CAND2: variants seen among roughly 807,000 people sequenced by gnomAD.
CAND2 encodes cullin-associated NEDD8-dissociated protein 2.
In CAND2, 62 loss-of-function variants were observed where a neutral mutation model predicts 98.9. The observed-to-expected ratio is 0.63, with a 90% CI of 0.51 to 0.77. CAND2 has a LOEUF of 0.77. Ranked by LOEUF, CAND2 falls within the 30% of genes least tolerant of loss-of-function variation. CAND2 has a pLI of 0.00. For synonymous variants in CAND2, 770 were observed against 731.9 expected, an observed-to-expected ratio of 1.05 and a Z score of -0.84; for missense variants, 1,501 against 1,655.2, an observed-to-expected ratio of 0.91 and a Z score of 1.62.
chr3:12,815,904 A>C lies in CAND2; in HGVS notation c.1337A>C (p.Lys446Thr). 6.2e-7 allele frequency: 1 copy of C among 1,613,754 alleles called. No individual in the cohort carries two copies. The highest frequency in any genetic ancestry group is 8.5e-7 in the Non-Finnish European group (1 of 1,179,984). ...GTCAAGGCCCTGCAGCGGCAGCTTA[A>C]AGATCGGAGCGTCAGAGCCCGCCAG... ...LVVKALQRQL[K>T]DRSVRARQGC... The change falls in exon 9 of 15, where the codon AAA (lysine) becomes ACA (threonine). Residue 446 changes from lysine (K) to threonine (T), a missense_variant. Around this residue, in one of 3 missense-constraint regions of CAND2, gnomAD observed 1,427 missense variants for 1,545.3 expected, o/e 0.92. Coordinates refer to ENST00000456430, the MANE Select transcript of CAND2 (RefSeq NM_001162499.2). The surrounding 1 kb of genome is among the most constrained non-coding windows in gnomAD (Gnocchi z 5.7).
intron 13 of CAND2, among the ~76,000 whole-genome samples, chr3:12,830,995 A>T (rs1438681063): frequency 6.7e-6 from 1 of 149,870 alleles, no homozygotes; most frequent in Non-Finnish European, 1.5e-5. Flanking sequence ...CTAGGCCTGC[A>T]GCCATGTTTA....
rs538723882 is a variant in CAND2, at chr3:12,800,737, G to GT, written c.69-2742dup. 8.2e-3 allele frequency among the ~76,000 whole-genome samples: 1,239 copies of GT among 151,104 alleles called. 14 individuals carry two copies. Among genetic ancestry groups the GT allele is most frequent in the African/African-American group, 0.027 (1,101 of 41,200 alleles). ...GTGTTTTGTTTTTGTTTTTGTTTTT[G>GT]TTTTTTTTTGAGTCTCACTCTGTCA... On this transcript the variant is annotated intron_variant, in intron 1 of 14. Coordinates refer to ENST00000456430, the MANE Select transcript of CAND2 (RefSeq NM_001162499.2).
At position 12,817,313 on chromosome 3, in the gene CAND2, C is replaced by T. The variant is rs1379794738; in HGVS notation, c.2381C>T (p.Pro794Leu). ...PVYEQAVDGG[P>L]GLHKQVFHSL... Reference sequence around the variant, plus strand: ...TATGAGCAGGCTGTGGATGGTGGGCCTGGCCTGCACAAGCAGGTGTTCCAC... The same window carrying T: ...TATGAGCAGGCTGTGGATGGTGGGCTTGGCCTGCACAAGCAGGTGTTCCAC... Residue 794 changes from proline to leucine, a missense_variant, in exon 10 of 15, where the codon CCT (proline) becomes CTT (leucine). Pro to Leu is a moderately conservative substitution (Grantham distance 98). Coordinates refer to ENST00000456430, the MANE Select transcript of CAND2 (RefSeq NM_001162499.2). 1 of 1,613,844 alleles carries T rather than the reference C, an allele frequency of 6.2e-7. No individual in the cohort carries two copies. Among genetic ancestry groups the T allele is most frequent in the African/African-American group, 1.3e-5 (1 of 75,064 alleles).
At chr3:12,810,999 GTATCCT>G (rs1254271051) in intron 5 of CAND2, among the ~76,000 whole-genome samples, 1 of 152,186 alleles carries the variant, frequency 6.6e-6, no homozygotes, top group African/African-American at 2.4e-5. Context: ...AGGTTTGAAT[GTATCCT>G]CAGACACCTT....
Position 12,831,497 on chromosome 3 carries a change from C to G in CAND2, c.3408C>G (p.Ala1136=). ...MLTFIMVARL[A]TLCPAPVLQR... Reference sequence around the variant, plus strand: ...CCTTCATCATGGTTGCCCGGCTGGCCACCCTGTGTCCTGCACCTGTCCTGC... The same window carrying G: ...CCTTCATCATGGTTGCCCGGCTGGCGACCCTGTGTCCTGCACCTGTCCTGC... The change falls in exon 14 of 15, where the codon GCC becomes GCG. Residue 1136 remains alanine, a synonymous_variant. Coordinates refer to ENST00000456430, the MANE Select transcript of CAND2 (RefSeq NM_001162499.2). The G allele has an allele frequency of 6.2e-7, 1 of 1,614,084 alleles. No individual in the cohort carries two copies. The highest frequency in any genetic ancestry group is 8.5e-7 in the Non-Finnish European group (1 of 1,179,994).
intron 1 of CAND2, among the ~76,000 whole-genome samples, chr3:12,800,137 T>C (rs2061755311): frequency 6.6e-6 from 1 of 152,194 alleles, no homozygotes; most frequent in Non-Finnish European, 1.5e-5. Flanking sequence ...CCAAACCTCC[T>C]CCTTCACTTT....
intron 10 of CAND2, among the ~76,000 whole-genome samples, chr3:12,819,436 C>T (rs963294623): frequency 3.3e-5 from 5 of 152,336 alleles, no homozygotes; most frequent in Admixed American, 6.5e-5. Flanking sequence ...TCCACCCATT[C>T]GTTTCCTTCA....
In CAND2 at chr3:12,813,362, CAG is replaced by C. The variant is rs1243666146; in HGVS notation, c.983_984del (p.Glu328GlyfsTer2). On this transcript the variant is annotated frameshift_variant, in exon 7 of 15. Transcript: ENST00000456430. LOFTEE classifies it high-confidence loss of function. ...GATGAGGATGAGGAGCAGATGGAGA[CAG>C]AGGATAGTGAATTCAGTGAGCAAGG... 5 of 1,613,982 alleles carry C rather than the reference CAG, an allele frequency of 3.1e-6. No individual in the cohort carries two copies. Among genetic ancestry groups the C allele is most frequent in the East Asian group, 2.2e-5 (1 of 44,888 alleles).
intron 11 of CAND2, among the ~76,000 whole-genome samples, chr3:12,824,243 A>AT (rs1173185022): frequency 1.3e-5 from 2 of 152,220 alleles, no homozygotes; most frequent in African/African-American, 2.4e-5. Context: ...TAATAAAAAA[A>AT]TTTTTTTTAA....
intron 12 of CAND2, 112 bp from the exon 13 acceptor site, chr3:12,827,328 C>T (rs1175009911): frequency 1.5e-5 from 15 of 1,025,814 alleles, no homozygotes; most frequent in Admixed American, 4.8e-5. Context: ...GTATAAGGCA[C>T]GATTTGGGGC....
Position 12,810,327 on chromosome 3 carries a change from A to C in CAND2, c.757+3A>C, listed in dbSNP as rs1439665521. On this transcript the variant is annotated splice_donor_region_variant and intron_variant, in intron 5 of 14. Coordinates refer to ENST00000456430, the MANE Select transcript of CAND2 (RefSeq NM_001162499.2). ...CCGCCAGGCCGGCCACCGCCTCGGT[A>C]AGGGGGCAGGGGGCGGGGCCTGGGC... The C allele has an allele frequency of 6.9e-7, 1 of 1,451,120 alleles. No homozygotes were observed. The highest frequency in any genetic ancestry group is 9.1e-7 in the Non-Finnish European group (1 of 1,102,682). The allele number at this position is 1,451,120 out of a possible 1,614,324, so 89.9% of individuals were successfully genotyped here. A position where few individuals can be genotyped will look rare whatever the true frequency, so the allele number is the denominator to read the frequency against.
At chr3:12,831,919 G>A (rs2062056812) in intron 14 of CAND2, among the ~76,000 whole-genome samples, 1 of 152,176 alleles carries the variant, frequency 6.6e-6, no homozygotes, top group African/African-American at 2.4e-5. Flanking sequence ...GTTCCCTACT[G>A]TCAATCTCTC....
rs1001911203 is a variant in CAND2, at chr3:12,827,481, G to A, written c.3252G>A (p.Leu1084=). The change falls in exon 13 of 15, where the codon CTG becomes CTA. Residue 1084 remains leucine (L), a synonymous_variant. Transcript: ENST00000456430. The part of the protein sequence containing the change: ...GPFKHTVDDG[L]DVRKAAFECM... ...TTAAACATACAGTGGACGATGGGCTGGACGTGCGGAAGGCGGCCTTTGAAT... is the reference window on the plus strand; with the variant it reads ...TTAAACATACAGTGGACGATGGGCTAGACGTGCGGAAGGCGGCCTTTGAAT... 3.1e-6 allele frequency: 5 copies of A among 1,613,962 alleles called. No individual in the cohort carries two copies. The African/African-American group carries it at 6.7e-5, about 22-fold the overall frequency.
At chr3:12,824,853 T>A (rs1412947249) in intron 11 of CAND2, among the ~76,000 whole-genome samples, 1 of 150,534 alleles carries the variant, frequency 6.6e-6, no homozygotes, top group East Asian at 2.0e-4. Context: ...GGTTGCAGTG[T>A]GCCGAGATCA....
Position 12,815,527 on chromosome 3 carries a change from C to T in CAND2, c.1299+94C>T. 1 of 1,316,828 alleles carries T rather than the reference C, an allele frequency of 7.6e-7. No homozygotes were observed. 81.6% of individuals were successfully genotyped at this position (1,316,828 alleles called of 1,614,324 possible). ...GGACTTGGAAACTCAGCTGGGAGAA[C>T]ATCCAGCCATGGAAGGGAAGGGAAG... On this transcript the variant is annotated intron_variant, in intron 8 of 14. Coordinates refer to ENST00000456430, the MANE Select transcript of CAND2 (RefSeq NM_001162499.2). The surrounding 1 kb of genome is among the most constrained non-coding windows in gnomAD (Gnocchi z 5.7).
At chr3:12,797,914 T>C (rs6806408) in intron 1 of CAND2, among the ~76,000 whole-genome samples, 18,522 of 152,012 alleles carry the variant, frequency 0.12, 2,024 homozygotes, top group African/African-American at 0.3. Context: ...ACTCTTCTCC[T>C]GCAGCCCATT....
chr3:12,832,856 C>G (rs2124877960), intron 14 of CAND2: 1 of 152,232 alleles, frequency 6.6e-6, no homozygotes, highest in Non-Finnish European at 1.5e-5. Flanking sequence ...TGTACAAAAC[C>G]CCTCGGGAAT....
rs765355002 is a variant in CAND2 at position 12,815,296 on chromosome 3, C to T, written c.1162C>T (p.Arg388Cys). Residue 388 changes from arginine to cysteine, a missense_variant, in exon 8 of 15, where the codon CGC becomes TGC. Coordinates refer to ENST00000456430, the MANE Select transcript of CAND2 (RefSeq NM_001162499.2). This position sits in a 1 kb window ranked among gnomAD's most constrained non-coding sequence, Gnocchi z 5.7. ...TGTGCTCATCCGCCGCTTCAAAGAACGCGAGGAGAACGTCAAGGCTGACGT... is the reference window on the plus strand; with the variant it reads ...TGTGCTCATCCGCCGCTTCAAAGAATGCGAGGAGAACGTCAAGGCTGACGT... ...APVLIRRFKEREENVKADVFT... is the reference protein window; with the variant it reads ...APVLIRRFKECEENVKADVFT... The T allele has an allele frequency of 1.2e-5, 19 of 1,613,886 alleles. No individual in the cohort carries two copies. The highest frequency in any genetic ancestry group is 4.5e-5 in the East Asian group (2 of 44,904).
At chr3:12,819,678 T>C (rs1180814738) in intron 10 of CAND2, among the ~76,000 whole-genome samples, 2 of 152,218 alleles carry the variant, frequency 1.3e-5, no homozygotes, top group African/African-American at 4.8e-5. Flanking sequence ...TCTTTCCTCA[T>C]ATGTCAAAGA....
Sources: allele counts gnomAD v4.1 joint callset (sites outside exome capture counted in the v4.1 genomes callset), GRCh38; gene constraint gnomAD v4.1.1; regional missense constraint gnomAD v4.1.1; non-coding constraint Gnocchi (gnomAD v3.1); transcripts MANE v1.5; gene names NCBI Gene and HGNC (gene_info 2026-07-23, HGNC 2026-07-21).